The following TXK variants were observed in gnomAD, a reference collection of about 807,000 sequenced individuals.
The protein encoded by TXK is TXK tyrosine kinase.
Under a neutral mutation model 81.0 loss-of-function variants are expected in TXK, and 60 were observed. The observed-to-expected ratio is 0.74, with a 90% CI of 0.60 to 0.92. The LOEUF (loss-of-function observed/expected upper bound fraction) is 0.92, where lower values mean the gene tolerates loss of function less well. TXK is among the 40% of genes least tolerant of loss of function. The pLI is 0.00. For missense variants in TXK, 581 were observed against 638.3 expected (o/e 0.91, Z 0.97); for synonymous variants, 203 against 210.7 (o/e 0.96, Z 0.32).
intron 1 of TXK, among the ~76,000 whole-genome samples, chr4:48,128,101 A>G (rs1706726484): frequency 6.6e-6 from 1 of 152,196 alleles, no homozygotes; most frequent in South Asian, 2.1e-4. Flanking sequence ...CCTCATGTCT[A>G]ATGTTTTGAA....
At chr4:48,102,225 C>T (rs1475548508) in intron 6 of TXK, among the ~76,000 whole-genome samples, 7 of 152,106 alleles carry the variant, frequency 4.6e-5, no homozygotes, top group South Asian at 2.1e-4. Flanking sequence ...GTGATCCACC[C>T]GCCTCGGCCT....
intron 8 of TXK, 95 bp from the exon 9 acceptor site, chr4:48,089,919 T>C (rs1399838165): frequency 3.5e-6 from 3 of 853,660 alleles, no homozygotes; most frequent in African/African-American, 1.7e-5. Context: ...TTTAAATAAT[T>C]AGACAAACAA....
chr4:48,114,179 C>G (rs1358119786), intron 2 of TXK, among the ~76,000 whole-genome samples, 169 bp downstream of exon 2: 3 of 152,176 alleles, frequency 2.0e-5, no homozygotes, highest in African/African-American at 7.2e-5. Context: ...CCCAGATGAC[C>G]TGACATTTGA....
At chr4:48,122,081 C>T (rs1262879341) in intron 1 of TXK, among the ~76,000 whole-genome samples, 1 of 152,154 alleles carries the variant, frequency 6.6e-6, no homozygotes, top group Non-Finnish European at 1.5e-5. Context: ...CCTGCTTCTC[C>T]TCCTCCCACT....
chr4:48,073,470 T>A (rs935162820), intron 13 of TXK, among the ~76,000 whole-genome samples: 4 of 152,172 alleles, frequency 2.6e-5, no homozygotes, highest in Non-Finnish European at 5.9e-5. Context: ...TTCCACAAAC[T>A]TTAAAGTTAA....
intron 10 of TXK, among the ~76,000 whole-genome samples, chr4:48,083,651 G>A (rs1717394590): frequency 6.6e-6 from 1 of 152,172 alleles, no homozygotes; most frequent in African/African-American, 2.4e-5. Context: ...GTTGTGGTGA[G>A]GATTCATTAA....
At chr4:48,103,280 G>A (rs913086658) in intron 6 of TXK, among the ~76,000 whole-genome samples, 13 of 152,096 alleles carry the variant, frequency 8.5e-5, no homozygotes, top group African/African-American at 2.4e-4. Flanking sequence ...TCCTTCTCTC[G>A]TTCTGCCCAC....
chr4:48,101,327 T>A (rs1228237533), intron 6 of TXK, among the ~76,000 whole-genome samples: 1 of 152,186 alleles, frequency 6.6e-6, no homozygotes, highest in Admixed American at 6.5e-5. Flanking sequence ...ATATCTGGAC[T>A]GTTACAAGAC....
chr4:48,105,823 T>C (rs1057034744), intron 5 of TXK, among the ~76,000 whole-genome samples: 17 of 152,218 alleles, frequency 1.1e-4, no homozygotes, highest in African/African-American at 4.1e-4. Flanking sequence ...ATTATTTCCT[T>C]CCTCAGATTC....
intron 5 of TXK, among the ~76,000 whole-genome samples, chr4:48,107,107 A>C (rs1184469960): frequency 2.0e-5 from 3 of 151,620 alleles, no homozygotes; most frequent in Non-Finnish European, 4.4e-5. Context: ...GTTTCCAAAA[A>C]TTTAATTAAC....
intron 1 of TXK, among the ~76,000 whole-genome samples, chr4:48,122,910 T>C (rs1245562943): frequency 6.6e-6 from 1 of 152,168 alleles, no homozygotes; most frequent in Non-Finnish European, 1.5e-5. Context: ...AGATAAGACC[T>C]TGGGAGTCTA....
chr4:48,121,483 T>A (rs561130941), intron 1 of TXK, among the ~76,000 whole-genome samples: 3 of 152,206 alleles, frequency 2.0e-5, no homozygotes, highest in Admixed American at 6.5e-5. Flanking sequence ...CCAGTGTCCA[T>A]GGGAGATTGG....
At chr4:48,084,106 G>T (rs993120878) in intron 10 of TXK, among the ~76,000 whole-genome samples, 4 of 152,122 alleles carry the variant, frequency 2.6e-5, no homozygotes, top group Non-Finnish European at 5.9e-5. Context: ...GTGTGTGTGT[G>T]TATGACAGGG....
At chr4:48,098,545 G>C in intron 6 of TXK, among the ~76,000 whole-genome samples, 1 of 152,048 alleles carries the variant, frequency 6.6e-6, no homozygotes. Context: ...TCAACTTCTA[G>C]TATCAATTTT....
Position 48,089,770 on chromosome 4 carries a change from G to A in TXK, c.764C>T (p.Ala255Val). The A allele has an allele frequency of 1.9e-6, 3 of 1,613,528 alleles. No individual in the cohort carries two copies. Among genetic ancestry groups the A allele is most frequent in the Non-Finnish European group, 2.5e-6 (3 of 1,179,602 alleles). The change falls in exon 9 of 15, where the codon GCC becomes GTC. Residue 255 changes from alanine (A) to valine (V), a missense_variant. Ala to Val is a moderately conservative substitution (Grantham distance 64). Transcript: ENST00000264316. ...PVGLMGSCLP[A>V]TAGFSYEKWE... ...TTTACCGTAGCTAAACCCAGCTGTGGCTGGTAAACAACTGCCCATCAGCCC... is the reference window on the plus strand; with the variant it reads ...TTTACCGTAGCTAAACCCAGCTGTGACTGGTAAACAACTGCCCATCAGCCC...
At chr4:48,093,962 C>T in intron 8 of TXK, 115 bp downstream of exon 8, 1 of 1,377,978 alleles carries the variant, frequency 7.3e-7, no homozygotes, top group Non-Finnish European at 1.0e-6. Flanking sequence ...GTACTTCAAG[C>T]TTTTAAACTA....
chr4:48,079,863 G>A lies in TXK; in HGVS notation c.1173+49C>T, dbSNP rs745571364. 7.0e-6 allele frequency: 9 copies of A among 1,279,992 alleles called. No homozygotes were observed. In the African/African-American group the frequency reaches 1.0e-4, roughly 15 times the overall value. 79.3% of individuals were successfully genotyped at this position (1,279,992 alleles called of 1,614,324 possible). ...TTGAAAGTAATTGTCACATCCTTCT[G>A]AATATAGGTATGATACAAAAAAAAA... On this transcript the variant is annotated intron_variant, in intron 11 of 14. Coordinates refer to ENST00000264316, the MANE Select transcript of TXK (RefSeq NM_003328.3).
At chr4:48,070,491 C>A (rs1050707772) in intron 14 of TXK, among the ~76,000 whole-genome samples, 2 of 152,150 alleles carry the variant, frequency 1.3e-5, no homozygotes, top group Non-Finnish European at 2.9e-5. Flanking sequence ...AATGGAAACA[C>A]CATCTTTCTT....
At chr4:48,070,701 C>T (rs1330470615) in intron 14 of TXK, among the ~76,000 whole-genome samples, 4 of 151,700 alleles carry the variant, frequency 2.6e-5, no homozygotes, top group Non-Finnish European at 5.9e-5. Flanking sequence ...ATCTCCGCCT[C>T]CCAAGTAGCT....
Sources: allele counts gnomAD v4.1 joint callset (sites outside exome capture counted in the v4.1 genomes callset), GRCh38; gene constraint gnomAD v4.1.1; transcripts MANE v1.5; gene names NCBI Gene and HGNC (gene_info 2026-07-23, HGNC 2026-07-21).